The following SLC15A1 variants were observed in gnomAD, a reference collection of about 807,000 sequenced individuals.
SLC15A1 encodes the protein Caco-2 oligopeptide transporter.
SLC15A1 carries 83 observed loss-of-function variants against 92.9 expected under a neutral mutation model. The ratio of observed to expected loss-of-function variants is 0.89; its 90% CI spans 0.75 to 1.07. The LOEUF (loss-of-function observed/expected upper bound fraction) is 1.07. SLC15A1 is among the 50% of genes least tolerant of loss of function. SLC15A1 has a pLI of 0.00. For synonymous variants in SLC15A1, 322 were observed against 318.2 expected (o/e 1.01, Z -0.13); for missense variants, 857 against 880.1 (o/e 0.97, Z 0.33).
intron 2 of SLC15A1, 23 bp from the exon 3 acceptor site, chr13:98,726,472 AGG>A: frequency 6.2e-7 from 1 of 1,607,838 alleles, no homozygotes; most frequent in South Asian, 1.1e-5. Flanking sequence ...AAACAAGCAC[AGG>A]ATTGAAATAC....
chr13:98,716,368 T>G lies in SLC15A1; in HGVS notation c.641-408A>C, dbSNP rs113867973. 4.8e-4 allele frequency among the ~76,000 whole-genome samples: 73 copies of G among 152,318 alleles called. 1 individual carries two copies. Among genetic ancestry groups the G allele is most frequent in the African/African-American group, 1.7e-3 (70 of 41,574 alleles). On this transcript the variant is annotated intron_variant, in intron 8 of 22. Transcript: ENST00000376503. ...CAGGCGCGGTGGCTCAAGCCTGCAA[T>G]CCCAGTACTTTGAGAGGCCGAGGTG...
intron 15 of SLC15A1, among the ~76,000 whole-genome samples, chr13:98,707,395 A>G (rs2088120846): frequency 6.6e-6 from 1 of 152,246 alleles, no homozygotes; most frequent in South Asian, 2.1e-4. Context: ...TTAGCCAGTC[A>G]CAAAAGGACA....
chr13:98,725,910 G>T (rs2088294684), intron 4 of SLC15A1, among the ~76,000 whole-genome samples: 1 of 152,050 alleles, frequency 6.6e-6, no homozygotes, highest in African/African-American at 2.4e-5. Flanking sequence ...ATTTTTGGTA[G>T]AGATGGGTCT....
intron 1 of SLC15A1, among the ~76,000 whole-genome samples, chr13:98,742,187 G>C (rs769332603): frequency 6.6e-6 from 1 of 152,202 alleles, no homozygotes; most frequent in Non-Finnish European, 1.5e-5. Context: ...GGCGGTGGGG[G>C]AGCTTTCTGC....
chr13:98,684,766 G>A lies in SLC15A1; in HGVS notation c.2085C>T (p.Asn695=), dbSNP rs1593975288. The stretch of plus-strand genomic sequence containing the variant: ...AATTGGCCCCTGACATGAAATATGG[G>A]TTACTCTTTTCCAGTCTGTTTTTCT... ...DEKKNRLEKS[N]PYFMSGANSQ... The change falls in exon 23 of 23, where the codon AAC becomes AAT. Residue 695 remains asparagine, a synonymous_variant. Transcript: ENST00000376503. 1 of 1,613,936 alleles carries A rather than the reference G, an allele frequency of 6.2e-7. No individual in the cohort carries two copies. Among genetic ancestry groups the A allele is most frequent in the East Asian group, 2.2e-5 (1 of 44,866 alleles).
At chr13:98,739,441 G>C (rs1422025010) in intron 1 of SLC15A1, among the ~76,000 whole-genome samples, 3 of 152,308 alleles carry the variant, frequency 2.0e-5, no homozygotes, top group Admixed American at 1.3e-4. Context: ...GGTGGGACCT[G>C]GGGGAGGACA....
At chr13:98,702,967 C>CAAAAAA (rs535486738) in intron 17 of SLC15A1, among the ~76,000 whole-genome samples, 1 of 77,678 alleles carries the variant, frequency 1.3e-5, no homozygotes. Flanking sequence ...GATCCTGTCT[C>CAAAAAA]AAAAAAAAAA....
At chr13:98,701,805 G>A (rs1168624995) in intron 18 of SLC15A1, among the ~76,000 whole-genome samples, 1 of 151,748 alleles carries the variant, frequency 6.6e-6, no homozygotes. Context: ...CGAGTAGCTG[G>A]GATTACAGGC....
intron 6 of SLC15A1, 24 bp from the exon 7 acceptor site, chr13:98,721,609 G>A (rs1264139326): frequency 2.6e-6 from 4 of 1,535,810 alleles, no homozygotes; most frequent in South Asian, 2.3e-5. Flanking sequence ...GAGAAAGTAA[G>A]ATGACTTTGG....
intron 1 of SLC15A1, among the ~76,000 whole-genome samples, chr13:98,750,006 C>T (rs1313553601): frequency 6.6e-6 from 1 of 152,140 alleles, no homozygotes; most frequent in Non-Finnish European, 1.5e-5. Flanking sequence ...CTACCTGGGG[C>T]TTTCCAGAAG....
intron 21 of SLC15A1, among the ~76,000 whole-genome samples, chr13:98,687,170 C>T (rs191508708): frequency 2.0e-4 from 31 of 151,958 alleles, no homozygotes; most frequent in Admixed American, 6.6e-4. Context: ...GTTATGTTTA[C>T]TGGGAGCTAT....
chr13:98,686,406 C>T (rs1047403700), intron 21 of SLC15A1, 109 bp from the exon 22 acceptor site: 11 of 730,632 alleles, frequency 1.5e-5, no homozygotes, highest in African/African-American at 3.5e-5. Context: ...ACAATGCACA[C>T]GAAAAGTCAG....
intron 9 of SLC15A1, among the ~76,000 whole-genome samples, chr13:98,713,739 T>C (rs1397240305): frequency 1.3e-5 from 2 of 151,984 alleles, no homozygotes; most frequent in African/African-American, 4.8e-5. Context: ...GCTGGAGGCA[T>C]GAGCGTGATC....
chr13:98,712,425 A>C, intron 10 of SLC15A1, 73 bp downstream of exon 10: 1 of 1,185,914 alleles, frequency 8.4e-7, no homozygotes, highest in Non-Finnish European at 1.3e-6. Flanking sequence ...ATGTAACCTT[A>C]ATCTGAATTG....
At chr13:98,720,847 G>C (rs9517419) in intron 7 of SLC15A1, 49,673 of 314,664 alleles carry the variant, frequency 0.16, 4,825 homozygotes, top group East Asian at 0.36. Context: ...GCAGGAGATC[G>C]AGACCATCCT....
At chr13:98,735,276 G>A (rs1370943698) in intron 1 of SLC15A1, among the ~76,000 whole-genome samples, 2 of 152,120 alleles carry the variant, frequency 1.3e-5, no homozygotes, top group South Asian at 2.1e-4. Flanking sequence ...AGACTTTGAC[G>A]AAATTCAACA....
chr13:98,692,383 T>A (rs1296358004), intron 18 of SLC15A1, among the ~76,000 whole-genome samples: 1 of 151,988 alleles, frequency 6.6e-6, no homozygotes, highest in African/African-American at 2.4e-5. Context: ...GGTCTTGAAC[T>A]CCTGGCCTCA....
chr13:98,713,940 G>A (rs1448794681), intron 9 of SLC15A1, among the ~76,000 whole-genome samples: 1 of 151,866 alleles, frequency 6.6e-6, no homozygotes, highest in East Asian at 1.9e-4. Context: ...TCTGCTATTT[G>A]GGAGGCTGAG....
At chr13:98,752,432 G>A (rs991755223) in intron 1 of SLC15A1, among the ~76,000 whole-genome samples, 163 bp downstream of exon 1, 8 of 152,100 alleles carry the variant, frequency 5.3e-5, no homozygotes, top group Admixed American at 1.3e-4. Flanking sequence ...CCACCCGGGA[G>A]GGGATCCCGG....
Sources: allele counts gnomAD v4.1 joint callset (sites outside exome capture counted in the v4.1 genomes callset), GRCh38; gene constraint gnomAD v4.1.1; transcripts MANE v1.5; gene names NCBI Gene and HGNC (gene_info 2026-07-23, HGNC 2026-07-21).